PFKFB3: variants seen among roughly 807,000 people sequenced by gnomAD.
The protein encoded by PFKFB3 is 6-phosphofructo-2-kinase/fructose-2,6-biphosphatase 3, also known as 6-phosphofructo-2-kinase/fructose-2,6-bisphosphatase 3.
PFKFB3 carries 33 observed loss-of-function variants against 68.0 expected under a neutral mutation model. The ratio of observed to expected loss-of-function variants is 0.49; its 90% CI spans 0.37 to 0.65. The LOEUF (loss-of-function observed/expected upper bound fraction) is 0.65, where lower values mean the gene tolerates loss of function less well. Among genes scored for constraint, PFKFB3 ranks in the 30% least tolerant of loss-of-function variants. The probability of loss-of-function intolerance (pLI) is 0.00; values close to 1 mark genes in which losing one functional copy is unlikely to be tolerated. For synonymous variants in PFKFB3, 315 were observed against 288.2 expected (o/e 1.09, Z -0.94); for missense variants, 586 against 712.2 (o/e 0.82, Z 2.02).
chr10:6,234,344 T>C lies in PFKFB3; in HGVS notation c.*1402T>C, dbSNP rs1374268723. The C allele has an allele frequency of 6.6e-6, 1 of 152,326 alleles. No individual in the cohort carries two copies. Among genetic ancestry groups the C allele is most frequent in the African/African-American group, 2.4e-5 (1 of 41,448 alleles). 9.4% of individuals were successfully genotyped at this position (152,326 alleles called of 1,614,324 possible). A position where few individuals can be genotyped will look rare whatever the true frequency, so the allele number is the denominator to read the frequency against. ...AGGTCCTGGGTGAGGGTGGGAGATT[T>C]AGACACCTGAAACTGGGCGTGGAGA... On this transcript the variant is annotated 3_prime_UTR_variant, in exon 15 of 15. Transcript: ENST00000379775.
chr10:6,305,326 T>C, the PFKFB3 span, among the ~76,000 whole-genome samples: 2 of 145,040 alleles, frequency 1.4e-5, no homozygotes, highest in African/African-American at 2.5e-5. Context: ...CTCTTACTAT[T>C]GTAAATTAAA....
chr10:6,183,278 C>T (rs889753521), intron 1 of PFKFB3, among the ~76,000 whole-genome samples: 3 of 152,198 alleles, frequency 2.0e-5, no homozygotes, highest in Non-Finnish European at 4.4e-5. Flanking sequence ...CAGCACCACG[C>T]CAACTTTGGG....
intron 14 of PFKFB3, among the ~76,000 whole-genome samples, chr10:6,246,783 AC>A (rs1347638446): frequency 1.3e-5 from 2 of 152,064 alleles, no homozygotes; most frequent in Non-Finnish European, 2.9e-5. Context: ...TGAACTAAGT[AC>A]CCTTGATTCC....
At chr10:6,256,993 C>G (rs540221683), downstream of PFKFB3, among the ~76,000 whole-genome samples, 1 of 152,332 alleles carries the variant, frequency 6.6e-6, no homozygotes, top group East Asian at 1.9e-4. Flanking sequence ...ACTTAGAGCT[C>G]TTTCTTTTCT....
the PFKFB3 span, among the ~76,000 whole-genome samples, chr10:6,290,759 C>A: frequency 6.6e-6 from 1 of 152,122 alleles, no homozygotes; most frequent in African/African-American, 2.4e-5. Context: ...CTGCCTTGGC[C>A]TCCCAGAGTG....
chr10:6,147,414 C>T (rs1026781083), intron 1 of PFKFB3, among the ~76,000 whole-genome samples: 12 of 152,324 alleles, frequency 7.9e-5, no homozygotes, highest in African/African-American at 2.6e-4. Context: ...GGATTCCCTC[C>T]CCAGGCTGTG....
rs116564562 is a variant in PFKFB3 at position 6,251,589 on chromosome 10, T to C, written c.1516-2589T>C. The stretch of plus-strand genomic sequence containing the variant: ...TGGTGTGTGGGGAAGATCAATCTGG[T>C]GGCCAAGGCAGGAAAAGTTAAATTT... On this transcript the variant is annotated intron_variant, in intron 14 of 14. Transcript: ENST00000640683. 4.4e-3 allele frequency among the ~76,000 whole-genome samples: 675 copies of C among 152,270 alleles called. 3 individuals carry two copies. Among genetic ancestry groups the C allele is most frequent in the African/African-American group, 0.015 (644 of 41,556 alleles).
intron 1 of PFKFB3, among the ~76,000 whole-genome samples, chr10:6,197,045 C>T (rs762538442): frequency 7.2e-5 from 11 of 151,876 alleles, no homozygotes; most frequent in Non-Finnish European, 1.6e-4. Context: ...AGTGCAATGG[C>T]GTGATCTCGG....
chr10:6,262,287 T>C, the PFKFB3 span, among the ~76,000 whole-genome samples: 1 of 151,034 alleles, frequency 6.6e-6, no homozygotes, highest in Non-Finnish European at 1.5e-5. Flanking sequence ...ACCCTGTCTC[T>C]ACTAAAAATA....
At chr10:6,267,750 T>A in the PFKFB3 span, among the ~76,000 whole-genome samples, 2 of 150,840 alleles carry the variant, frequency 1.3e-5, no homozygotes, top group African/African-American at 4.9e-5. Context: ...AAGTCAGGAG[T>A]TCGAGACCAG....
chr10:6,235,722 A>G (rs1036544780), downstream of PFKFB3, among the ~76,000 whole-genome samples: 3 of 150,580 alleles, frequency 2.0e-5, no homozygotes, highest in African/African-American at 7.3e-5. Flanking sequence ...TCTAATTGAT[A>G]GGCTTCATGT....
chr10:6,236,022 T>G (rs192494540), downstream of PFKFB3, among the ~76,000 whole-genome samples: 7 of 152,276 alleles, frequency 4.6e-5, no homozygotes, highest in East Asian at 1.4e-3. Context: ...CTGCGTCGGC[T>G]TCCCAAAGTG....
chr10:6,324,068 T>C, the PFKFB3 span, among the ~76,000 whole-genome samples: 1 of 152,164 alleles, frequency 6.6e-6, no homozygotes, highest in African/African-American at 2.4e-5. Flanking sequence ...CCAGTGTCCA[T>C]GGATAGACAA....
In PFKFB3 at chr10:6,250,236, C is replaced by T. The variant is rs530609757; in HGVS notation, c.1516-3942C>T. ...ATGTGCTATGGTTTGAATGTGTCCT[C>T]TCCAAATTTCAGGTGTTGCCAATGT... On this transcript the variant is annotated intron_variant, in intron 14 of 14. Transcript: ENST00000640683. Among the ~76,000 whole-genome samples, 22 of 152,216 alleles carry T rather than the reference C, an allele frequency of 1.4e-4. No individual in the cohort carries two copies. The South Asian group carries it at 2.3e-3, about 16-fold the overall frequency.
At chr10:6,298,298 G>A in the PFKFB3 span, among the ~76,000 whole-genome samples, 29 of 151,928 alleles carry the variant, frequency 1.9e-4, no homozygotes, top group Non-Finnish European at 2.9e-4. Context: ...GCCAATGCCC[G>A]TGGAAACTGG....
chr10:6,214,564 G>C (rs1321884462), intron 2 of PFKFB3, among the ~76,000 whole-genome samples: 1 of 151,638 alleles, frequency 6.6e-6, no homozygotes, highest in Non-Finnish European at 1.5e-5. Flanking sequence ...ACATGTGCAT[G>C]TTTGTTACCT....
At chr10:6,187,134 G>C (rs2131809869) in intron 1 of PFKFB3, among the ~76,000 whole-genome samples, 1 of 151,972 alleles carries the variant, frequency 6.6e-6, no homozygotes, top group South Asian at 2.1e-4. Flanking sequence ...GCCAAGGCGG[G>C]CAGATCACTG....
At chr10:6,217,517 TCACTGCC>T (rs1844666537) in intron 6 of PFKFB3, among the ~76,000 whole-genome samples, 1 of 151,386 alleles carries the variant, frequency 6.6e-6, no homozygotes, top group Non-Finnish European at 1.5e-5. Context: ...AGAGGGCCGC[TCACTGCC>T]CCTAATGGGA....
At chr10:6,292,525 G>A in the PFKFB3 span, among the ~76,000 whole-genome samples, 3 of 151,192 alleles carry the variant, frequency 2.0e-5, no homozygotes, top group Non-Finnish European at 2.9e-5. Flanking sequence ...TCCTGACCTC[G>A]TGATCTGCCC....
Sources: allele counts gnomAD v4.1 joint callset (sites outside exome capture counted in the v4.1 genomes callset), GRCh38; gene constraint gnomAD v4.1.1; transcripts MANE v1.5; gene names NCBI Gene and HGNC (gene_info 2026-07-23, HGNC 2026-07-21).